The following SLC39A9 variants were observed in gnomAD, a reference collection of about 807,000 sequenced individuals.
SLC39A9 encodes zinc transporter ZIP9.
Under a neutral mutation model 28.4 loss-of-function variants are expected in SLC39A9, and 14 were observed. That is an observed-to-expected ratio of 0.49 (90% CI 0.33 to 0.77). The LOEUF is 0.77. Ranked by LOEUF, SLC39A9 falls within the 30% of genes least tolerant of loss-of-function variation. The pLI is 0.02. For synonymous variants in SLC39A9, 119 were observed against 149.6 expected (o/e 0.80, Z 1.49); for missense variants, 283 against 381.1 (o/e 0.74, Z 2.14).
intron 2 of SLC39A9, among the ~76,000 whole-genome samples, chr14:69,432,957 C>T (rs1884569149): frequency 6.6e-6 from 1 of 152,178 alleles, no homozygotes; most frequent in Non-Finnish European, 1.5e-5. Context: ...AGTTTGAAAT[C>T]AGGTAATGTG....
chr14:69,442,726 T>C (rs771045601), intron 3 of SLC39A9, among the ~76,000 whole-genome samples: 16 of 152,214 alleles, frequency 1.1e-4, no homozygotes, highest in Non-Finnish European at 2.4e-4. Context: ...AATGAGATAA[T>C]ACATTTAAAT....
intron 3 of SLC39A9, among the ~76,000 whole-genome samples, chr14:69,449,150 A>C (rs1885483855): frequency 6.6e-6 from 1 of 152,184 alleles, no homozygotes; most frequent in African/African-American, 2.4e-5. Context: ...TTTTTTCCAT[A>C]GAGTTATATT....
intron 1 of SLC39A9, among the ~76,000 whole-genome samples, chr14:69,410,491 T>C (rs955214658): frequency 6.6e-6 from 1 of 152,160 alleles, no homozygotes; most frequent in African/African-American, 2.4e-5. Context: ...GAGGAGGCCA[T>C]GAAGCCCAGG....
At chr14:69,440,430 A>G (rs1884987993) in intron 2 of SLC39A9, among the ~76,000 whole-genome samples, 1 of 152,100 alleles carries the variant, frequency 6.6e-6, no homozygotes, top group African/African-American at 2.4e-5. Context: ...CAAAAACAAT[A>G]TAAAAATTAG....
Position 69,460,674 on chromosome 14 carries a change from C to T in SLC39A9, c.*2081C>T. On this transcript the variant is annotated 3_prime_UTR_variant, in exon 7 of 7. Coordinates refer to ENST00000336643, the MANE Select transcript of SLC39A9 (RefSeq NM_018375.5). ...ATGCTTAAAAGTTTGGCTAGTATATCTTGCTGGATGGAGCCTTGAACTCCG... is the reference window on the plus strand; with the variant it reads ...ATGCTTAAAAGTTTGGCTAGTATATTTTGCTGGATGGAGCCTTGAACTCCG... 1 of 985,444 alleles carries T rather than the reference C, an allele frequency of 1.0e-6. No individual in the cohort carries two copies. Among genetic ancestry groups the T allele is most frequent in the Non-Finnish European group, 1.2e-6 (1 of 829,948 alleles). The allele number at this position is 985,444 out of a possible 1,614,324, so 61.0% of individuals were successfully genotyped here.
chr14:69,424,098 G>T lies in SLC39A9; in HGVS notation c.101G>T (p.Arg34Leu). 6.2e-7 allele frequency: 1 copy of T among 1,613,252 alleles called. No homozygotes were observed. Among genetic ancestry groups the T allele is most frequent in the South Asian group, 1.1e-5 (1 of 91,002 alleles). Residue 34 changes from arginine to leucine, a missense_variant, in exon 2 of 7, where the codon CGA (arginine) becomes CTA (leucine). Arg to Leu is a moderately radical substitution (Grantham distance 102). Coordinates refer to ENST00000336643, the MANE Select transcript of SLC39A9 (RefSeq NM_018375.5). ...IPLAVNFSEE[R>L]LKLVTVLGAG... is the part of the protein sequence containing the mutation. Reference sequence around the variant, plus strand: ...TTTCTTTTGCTTTCTCCCCAGGAACGACTGAAGCTGGTGACTGTTTTGGGT... The same window carrying T: ...TTTCTTTTGCTTTCTCCCCAGGAACTACTGAAGCTGGTGACTGTTTTGGGT...
At chr14:69,419,899 G>A (rs1020351445) in intron 1 of SLC39A9, among the ~76,000 whole-genome samples, 2 of 152,144 alleles carry the variant, frequency 1.3e-5, no homozygotes, top group African/African-American at 4.8e-5. Context: ...GTCCCTGCAT[G>A]AGAGATGGGT....
intron 2 of SLC39A9, among the ~76,000 whole-genome samples, chr14:69,431,212 T>C (rs560998727): frequency 2.0e-4 from 30 of 152,348 alleles, no homozygotes; most frequent in African/African-American, 6.5e-4. Context: ...GCCTAAATAT[T>C]TCATGTTTTT....
intron 2 of SLC39A9, among the ~76,000 whole-genome samples, chr14:69,437,190 C>G (rs1177482871): frequency 6.6e-6 from 1 of 152,052 alleles, no homozygotes; most frequent in South Asian, 2.1e-4. Context: ...TCTATTTGCT[C>G]TGGCCAGAAA....
intron 1 of SLC39A9, among the ~76,000 whole-genome samples, chr14:69,403,781 C>T (rs1196583020): frequency 1.3e-5 from 2 of 152,080 alleles, no homozygotes; most frequent in East Asian, 1.9e-4. Context: ...TGGTGGCTCA[C>T]GCCTGTAATC....
chr14:69,461,373 G>A lies in SLC39A9; in HGVS notation c.*2780G>A, dbSNP rs942127144. 2.6e-6 allele frequency: 3 copies of A among 1,150,758 alleles called. No homozygotes were observed. Among genetic ancestry groups the A allele is most frequent in the Non-Finnish European group, 2.2e-6 (2 of 928,662 alleles). The allele number at this position is 1,150,758 out of a possible 1,614,324, so 71.3% of individuals were successfully genotyped here. A position where few individuals can be genotyped will look rare whatever the true frequency, so the allele number is the denominator to read the frequency against. On this transcript the variant is annotated 3_prime_UTR_variant, in exon 7 of 7. Coordinates refer to ENST00000336643, the MANE Select transcript of SLC39A9 (RefSeq NM_018375.5). Reference sequence around the variant, plus strand: ...AGTTCCATTTCAAGAAAGCAGTGATGTTCCAGGTTTGATTCAGTTTTCCTG... The same window carrying A: ...AGTTCCATTTCAAGAAAGCAGTGATATTCCAGGTTTGATTCAGTTTTCCTG...
chr14:69,415,037 A>C (rs1301668219), intron 1 of SLC39A9, among the ~76,000 whole-genome samples: 1 of 152,186 alleles, frequency 6.6e-6, no homozygotes, highest in Non-Finnish European at 1.5e-5. Context: ...TAAATATACC[A>C]CAATTTGTTT....
intron 1 of SLC39A9, among the ~76,000 whole-genome samples, chr14:69,422,166 C>T (rs1883936373): frequency 6.6e-6 from 1 of 152,172 alleles, no homozygotes; most frequent in Admixed American, 6.6e-5. Flanking sequence ...TAACTAACCT[C>T]TTAAAAGAAA....
intron 1 of SLC39A9, among the ~76,000 whole-genome samples, chr14:69,409,896 C>T (rs952396283): frequency 3.9e-5 from 6 of 152,084 alleles, no homozygotes; most frequent in Admixed American, 2.0e-4. Flanking sequence ...ATGCAAATAA[C>T]GCTATATTCT....
chr14:69,457,331 T>C (rs1005623562), intron 6 of SLC39A9, among the ~76,000 whole-genome samples: 1 of 151,770 alleles, frequency 6.6e-6, no homozygotes, highest in African/African-American at 2.4e-5. Flanking sequence ...GCTTCCGGAG[T>C]AGCTGGGATT....
At chr14:69,402,879 C>G (rs757455836) in intron 1 of SLC39A9, among the ~76,000 whole-genome samples, 1 of 151,968 alleles carries the variant, frequency 6.6e-6, no homozygotes, top group Non-Finnish European at 1.5e-5. Context: ...GTCAGGAGTT[C>G]GAGACCAGCC....
intron 2 of SLC39A9, among the ~76,000 whole-genome samples, chr14:69,426,917 T>G (rs564178845): frequency 5.9e-5 from 9 of 152,266 alleles, no homozygotes; most frequent in African/African-American, 1.9e-4. Context: ...TATACACATA[T>G]GTACACACAT....
At chr14:69,407,424 G>A (rs369292082) in intron 1 of SLC39A9, among the ~76,000 whole-genome samples, 5 of 144,686 alleles carry the variant, frequency 3.5e-5, no homozygotes, top group East Asian at 4.2e-4. Context: ...CATAACCTCC[G>A]CCTCCCAGGT....
At chr14:69,416,407 T>G (rs1217137024) in intron 1 of SLC39A9, among the ~76,000 whole-genome samples, 1 of 152,230 alleles carries the variant, frequency 6.6e-6, no homozygotes, top group Non-Finnish European at 1.5e-5. Context: ...GTCTTTGCTG[T>G]TGTGAATAGT....
Sources: allele counts gnomAD v4.1 joint callset (sites outside exome capture counted in the v4.1 genomes callset), GRCh38; gene constraint gnomAD v4.1.1; transcripts MANE v1.5; gene names NCBI Gene and HGNC (gene_info 2026-07-23, HGNC 2026-07-21).